The following GAB2 variants were observed in gnomAD, a reference collection of about 807,000 sequenced individuals.
GAB2 encodes the protein GRB2-associated-binding protein 2.
GAB2 carries 26 observed loss-of-function variants against 65.5 expected under a neutral mutation model. The ratio of observed to expected loss-of-function variants is 0.40; its 90% confidence interval spans 0.29 to 0.55. GAB2 has a LOEUF of 0.55. Ranked by LOEUF, GAB2 falls within the 20% of genes least tolerant of loss-of-function variation. GAB2 has a pLI of 0.53. For missense variants in GAB2, 884 were observed against 875.8 expected (o/e 1.01, Z -0.12); for synonymous variants, 321 against 329.6 (o/e 0.97, Z 0.28).
intron 1 of GAB2, among the ~76,000 whole-genome samples, chr11:78,311,870 C>T (rs188099454): frequency 6.6e-6 from 1 of 152,148 alleles, no homozygotes; most frequent in East Asian, 1.9e-4. Flanking sequence ...CCAGGTCATA[C>T]AGAGGCCAGA....
intron 3 of GAB2, among the ~76,000 whole-genome samples, chr11:78,242,266 G>A (rs913225613): frequency 1.4e-4 from 22 of 152,184 alleles, no homozygotes; most frequent in African/African-American, 5.3e-4. Flanking sequence ...ACTTTGAGAG[G>A]CCAAGGTGGG....
chr11:78,250,049 A>T (rs536213291), intron 3 of GAB2, 108 bp downstream of exon 3: 2 of 1,155,274 alleles, frequency 1.7e-6, no homozygotes, highest in Non-Finnish European at 2.5e-6. Flanking sequence ...GTGTTTGTCT[A>T]CCTGAAACGA....
chr11:78,345,056 A>G (rs1856157764), intron 1 of GAB2, among the ~76,000 whole-genome samples: 1 of 152,186 alleles, frequency 6.6e-6, no homozygotes, highest in South Asian at 2.1e-4. Flanking sequence ...GAGGCGGGTG[A>G]ATCACTTGAG....
chr11:78,339,347 T>C (rs1290804674), intron 1 of GAB2, among the ~76,000 whole-genome samples: 1 of 152,210 alleles, frequency 6.6e-6, no homozygotes, highest in Non-Finnish European at 1.5e-5. Context: ...TTTCTTTTTT[T>C]GCACCCATTT....
chr11:78,262,907 G>A (rs1461351837), intron 2 of GAB2, among the ~76,000 whole-genome samples: 1 of 152,162 alleles, frequency 6.6e-6, no homozygotes, highest in South Asian at 2.1e-4. Flanking sequence ...CTGTTTCTGT[G>A]GTTTCACTAG....
rs1236679099 is a variant in GAB2 at position 78,346,693 on chromosome 11, A to T, written c.76-65792T>A. Among the ~76,000 whole-genome samples the T allele has an allele frequency of 1.1e-4, 10 of 91,414 alleles. 1 individual carries two copies. Among genetic ancestry groups the T allele is most frequent in the Admixed American group, 2.1e-4 (2 of 9,336 alleles). The allele number at this position is 91,414 out of a possible 152,430, so 60.0% of individuals were successfully genotyped here. Reference sequence around the variant, plus strand: ...CCCCTCCATATATATATATATATATATATATATATATATATATATATATAT... The same window carrying T: ...CCCCTCCATATATATATATATATATTTATATATATATATATATATATATAT... On this transcript the variant is annotated intron_variant, in intron 1 of 9. Transcript: ENST00000361507.
At chr11:78,337,960 T>C (rs1186009157) in intron 1 of GAB2, among the ~76,000 whole-genome samples, 1 of 152,204 alleles carries the variant, frequency 6.6e-6, no homozygotes, top group Admixed American at 6.5e-5. Context: ...TGGACTACAT[T>C]ATCCTTCCTA....
chr11:78,369,278 T>C (rs1273945472), intron 1 of GAB2, among the ~76,000 whole-genome samples: 1 of 152,218 alleles, frequency 6.6e-6, no homozygotes, highest in Non-Finnish European at 1.5e-5. Context: ...CTTCAAAATA[T>C]GGTGCTGTTG....
chr11:78,336,347 A>C (rs1263628247), intron 1 of GAB2, among the ~76,000 whole-genome samples: 2 of 149,020 alleles, frequency 1.3e-5, no homozygotes, highest in East Asian at 1.9e-4. Flanking sequence ...AAAAAAAAAA[A>C]AAAAAAAAAA....
intron 1 of GAB2, among the ~76,000 whole-genome samples, chr11:78,405,837 G>A (rs1470326116): frequency 2.0e-5 from 3 of 152,160 alleles, no homozygotes; most frequent in Non-Finnish European, 4.4e-5. Flanking sequence ...ACCAACCTGT[G>A]TAGACCAAAA....
chr11:78,337,424 C>A (rs745935274), intron 1 of GAB2, among the ~76,000 whole-genome samples: 18 of 152,112 alleles, frequency 1.2e-4, no homozygotes, highest in Non-Finnish European at 2.1e-4. Context: ...AGGCAGAATT[C>A]CCCACAGTGA....
At position 78,225,205 on chromosome 11, in the gene GAB2, GAC is replaced by G; in HGVS notation, c.1208-5_1208-4del. On this transcript the variant is annotated splice_polypyrimidine_tract_variant and splice_region_variant and intron_variant, in intron 4 of 9. Coordinates refer to ENST00000361507, the MANE Select transcript of GAB2 (RefSeq NM_080491.3). Reference sequence around the variant, plus strand: ...CTCGTAGGTCTCACAGGAAGAAGCTGACAGAGGAAGGAGGATTCATAAGTACT... The same window carrying G: ...CTCGTAGGTCTCACAGGAAGAAGCTGAGAGGAAGGAGGATTCATAAGTACT... 8 of 1,593,336 alleles carry G rather than the reference GAC, an allele frequency of 5.0e-6. No homozygotes were observed. Among genetic ancestry groups the G allele is most frequent in the Non-Finnish European group, 6.9e-6 (8 of 1,161,142 alleles).
In GAB2 at chr11:78,226,745, G is replaced by T. The variant is rs779290401; in HGVS notation, c.927C>A (p.Leu309=). The part of the protein sequence containing the change: ...SNTLCREFGD[L]LVDNMDVPAT... ...CCGGAACATCCATATTGTCTACCAG[G>T]AGGTCCCCGAACTCCCTGCACAGGG... is the stretch of plus-strand genomic sequence containing the variant. Residue 309 remains leucine, a synonymous_variant, in exon 4 of 10, where the codon CTC becomes CTA. Coordinates refer to ENST00000361507, the MANE Select transcript of GAB2 (RefSeq NM_080491.3). 1 of 1,614,072 alleles carries T rather than the reference G, an allele frequency of 6.2e-7. No individual in the cohort carries two copies. The highest frequency in any genetic ancestry group is 8.5e-7 in the Non-Finnish European group (1 of 1,179,972).
At chr11:78,220,524 A>C in intron 8 of GAB2, 80 bp from the exon 9 acceptor site, 1 of 1,267,302 alleles carries the variant, frequency 7.9e-7, no homozygotes, top group Non-Finnish European at 1.1e-6. Context: ...TCTGGGAGTA[A>C]GAACACTGTT....
rs200103859 is a variant in GAB2, at chr11:78,298,723, AT to A, written c.76-17823del. On this transcript the variant is annotated intron_variant, in intron 1 of 9. Coordinates refer to ENST00000361507, the MANE Select transcript of GAB2 (RefSeq NM_080491.3). ...GTCCTTGAATGGTCTGATCTCAGTT[AT>A]ATTTAAAGCACTGAATTAAGCAAAG... Among the ~76,000 whole-genome samples the A allele has an allele frequency of 4.1e-3, 624 of 152,326 alleles. 4 individuals carry two copies. The highest frequency in any genetic ancestry group is 0.014 in the African/African-American group (597 of 41,574).
At chr11:78,257,770 T>C (rs1277568643) in intron 2 of GAB2, among the ~76,000 whole-genome samples, 1 of 152,118 alleles carries the variant, frequency 6.6e-6, no homozygotes, top group East Asian at 1.9e-4. Flanking sequence ...TAAGCACCTA[T>C]TATGTGCCTC....
At chr11:78,346,126 A>G (rs1856175159) in intron 1 of GAB2, among the ~76,000 whole-genome samples, 1 of 152,246 alleles carries the variant, frequency 6.6e-6, no homozygotes, top group East Asian at 1.9e-4. Context: ...GCTGTAAAAA[A>G]TTAAAAATAA....
intron 1 of GAB2, among the ~76,000 whole-genome samples, chr11:78,331,298 T>C (rs1271865053): frequency 6.7e-6 from 1 of 149,258 alleles, no homozygotes; most frequent in Non-Finnish European, 1.5e-5. Context: ...CAGGCTGGAG[T>C]GCAGTGGCAC....
At chr11:78,222,330 C>T (rs1286496426) in intron 6 of GAB2, 135 bp from the exon 7 acceptor site, 2 of 644,752 alleles carry the variant, frequency 3.1e-6, no homozygotes, top group Middle Eastern at 2.5e-4. Context: ...AACTGACGCT[C>T]AGCGAGGTTG....
Sources: allele counts gnomAD v4.1 joint callset (sites outside exome capture counted in the v4.1 genomes callset), GRCh38; gene constraint gnomAD v4.1.1; transcripts MANE v1.5; gene names NCBI Gene and HGNC (gene_info 2026-07-23, HGNC 2026-07-21).